Variants in SLIT3 observed in about 807,000 individuals in gnomAD.
SLIT3 encodes slit guidance ligand 3.
A neutral mutation model predicts 184.0 loss-of-function variants in SLIT3; 68 were observed. That is an observed-to-expected ratio of 0.37 (90% CI 0.30 to 0.45). The LOEUF (loss-of-function observed/expected upper bound fraction) is 0.45. SLIT3 is among the 20% of genes least tolerant of loss of function. The pLI is 1.00. For missense variants in SLIT3, 1,707 were observed against 2,026.0 expected, an observed-to-expected ratio of 0.84 and a Z score of 3.02; for synonymous variants, 831 against 828.6, an observed-to-expected ratio of 1.00 and a Z score of -0.05.
chr5:169,066,442 G>A (rs1262815324), intron 4 of SLIT3, among the ~76,000 whole-genome samples: 3 of 152,102 alleles, frequency 2.0e-5, no homozygotes, highest in Admixed American at 6.5e-5. Flanking sequence ...ATGAAAAAAC[G>A]CTCAACTTAC....
chr5:168,804,439 T>C (rs554897593), intron 9 of SLIT3, among the ~76,000 whole-genome samples: 1 of 151,306 alleles, frequency 6.6e-6, no homozygotes, highest in Non-Finnish European at 1.5e-5. Context: ...GATAGTATGT[T>C]GGAAGGCCGT....
intron 4 of SLIT3, among the ~76,000 whole-genome samples, chr5:169,151,885 C>T (rs367643179): frequency 1.1e-4 from 16 of 152,330 alleles, no homozygotes; most frequent in South Asian, 6.2e-4. Context: ...CTCTTACAAG[C>T]TGAGCAACCC....
At chr5:169,232,060 T>G (rs1765022927) in intron 3 of SLIT3, among the ~76,000 whole-genome samples, 1 of 152,222 alleles carries the variant, frequency 6.6e-6, no homozygotes, top group South Asian at 2.1e-4. Context: ...AAATAAGTCC[T>G]TTGTCAGTTA....
At chr5:169,259,248 G>T (rs552948222) in intron 1 of SLIT3, among the ~76,000 whole-genome samples, 2 of 150,336 alleles carry the variant, frequency 1.3e-5, no homozygotes, top group Non-Finnish European at 2.9e-5. Context: ...TAGTAGAGAC[G>T]GGGTTTCACC....
intron 4 of SLIT3, among the ~76,000 whole-genome samples, chr5:168,991,249 A>G (rs908558782): frequency 6.6e-6 from 1 of 152,186 alleles, no homozygotes; most frequent in Admixed American, 6.5e-5. Flanking sequence ...TGTCCTTCCA[A>G]AAACCTTATC....
intron 4 of SLIT3, among the ~76,000 whole-genome samples, chr5:169,170,737 TA>T (rs1359438376): frequency 2.6e-5 from 4 of 150,944 alleles, no homozygotes; most frequent in African/African-American, 9.7e-5. Context: ...AGCTCATTTT[TA>T]AAAAATGGTA....
At chr5:169,189,207 C>T (rs572787498) in intron 4 of SLIT3, among the ~76,000 whole-genome samples, 38 of 152,056 alleles carry the variant, frequency 2.5e-4, no homozygotes, top group South Asian at 8.3e-4. Flanking sequence ...GATGGGTGCA[C>T]GGAGGGTAGC....
chr5:168,716,664 C>T (rs1315417663), intron 23 of SLIT3, among the ~76,000 whole-genome samples: 1 of 152,228 alleles, frequency 6.6e-6, no homozygotes, highest in East Asian at 1.9e-4. Flanking sequence ...TGCATCTTGG[C>T]AGAGCGGTCA....
In SLIT3 at chr5:169,198,976, A is replaced by ACATG. The variant is rs1554106510; in HGVS notation, c.342-5427_342-5426insCATG. On this transcript the variant is annotated intron_variant, in intron 3 of 35. Coordinates refer to ENST00000519560, the MANE Select transcript of SLIT3 (RefSeq NM_003062.4). ...TATACACACACACACACACACACAC[A>ACATG]TATGTGTGTATATTTATATATATAT... 3.3e-4 allele frequency among the ~76,000 whole-genome samples: 50 copies of ACATG among 149,326 alleles called. 1 individual carries two copies. The highest frequency in any genetic ancestry group is 1.8e-3 in the East Asian group (9 of 5,020).
At chr5:169,191,157 G>A (rs763677390) in intron 4 of SLIT3, among the ~76,000 whole-genome samples, 3 of 152,162 alleles carry the variant, frequency 2.0e-5, no homozygotes, top group Non-Finnish European at 4.4e-5. Flanking sequence ...GTGAGTGAAT[G>A]AATAAATGAA....
intron 8 of SLIT3, among the ~76,000 whole-genome samples, chr5:168,815,297 C>G (rs62378503): frequency 0.011 from 1,667 of 152,318 alleles, 20 homozygotes; most frequent in Non-Finnish European, 0.017. Context: ...GGTTTTGGAT[C>G]CTGACTGCTG....
At chr5:168,830,022 C>T (rs1025245086) in intron 6 of SLIT3, among the ~76,000 whole-genome samples, 1 of 152,192 alleles carries the variant, frequency 6.6e-6, no homozygotes, top group Non-Finnish European at 1.5e-5. Context: ...TGCTGGGCAG[C>T]TGCTGATGGG....
At chr5:168,955,981 T>A (rs761569642) in intron 4 of SLIT3, among the ~76,000 whole-genome samples, 1 of 152,160 alleles carries the variant, frequency 6.6e-6, no homozygotes, top group Non-Finnish European at 1.5e-5. Flanking sequence ...CTGGGCTGTG[T>A]CCATAGCGGC....
At chr5:169,277,808 C>T (rs1046966094) in intron 1 of SLIT3, among the ~76,000 whole-genome samples, 5 of 152,130 alleles carry the variant, frequency 3.3e-5, no homozygotes, top group Admixed American at 6.5e-5. Flanking sequence ...GGTAGTCCTA[C>T]GTTTAAATTT....
intron 4 of SLIT3, among the ~76,000 whole-genome samples, chr5:168,982,037 A>C (rs1339019997): frequency 2.6e-5 from 4 of 152,180 alleles, no homozygotes; most frequent in African/African-American, 9.7e-5. Context: ...GATATTAACC[A>C]CCACACTTTC....
chr5:168,691,806 G>C (rs1476972971), intron 29 of SLIT3, among the ~76,000 whole-genome samples: 1 of 152,200 alleles, frequency 6.6e-6, no homozygotes, highest in African/African-American at 2.4e-5. Flanking sequence ...TTTGGCCACA[G>C]AGTTCTGGGA....
intron 23 of SLIT3, among the ~76,000 whole-genome samples, chr5:168,718,722 A>T: frequency 7.2e-6 from 1 of 138,636 alleles, no homozygotes; most frequent in African/African-American, 3.0e-5. Context: ...ACACACACAC[A>T]CACACACATT....
chr5:168,890,155 A>G (rs1760392175), intron 4 of SLIT3, among the ~76,000 whole-genome samples: 2 of 151,628 alleles, frequency 1.3e-5, no homozygotes, highest in South Asian at 4.2e-4. Context: ...AAAAAAAAAA[A>G]AAAAGAGAGA....
chr5:169,006,164 T>TA (rs1755917816), intron 4 of SLIT3, among the ~76,000 whole-genome samples: 2 of 152,320 alleles, frequency 1.3e-5, no homozygotes, highest in African/African-American at 4.8e-5. Flanking sequence ...ACTGCTGTCT[T>TA]ACTGTAATTC....
Sources: allele counts gnomAD v4.1 joint callset (sites outside exome capture counted in the v4.1 genomes callset), GRCh38; gene constraint gnomAD v4.1.1; transcripts MANE v1.5; gene names NCBI Gene and HGNC (gene_info 2026-07-23, HGNC 2026-07-21).